Variants in WSCD1 observed in about 807,000 individuals in gnomAD.
WSCD1 encodes the protein sialate:O-sulfotransferase 1.
Under a neutral mutation model 60.4 loss-of-function variants are expected in WSCD1, and 41 were observed. The observed-to-expected ratio is 0.68, with a 90% CI of 0.53 to 0.88. The LOEUF (loss-of-function observed/expected upper bound fraction) is 0.88, where lower values mean the gene tolerates loss of function less well. Among genes scored for constraint, WSCD1 ranks in the 40% least tolerant of loss-of-function variants. WSCD1 has a pLI of 0.00. For missense variants in WSCD1, 784 were observed against 796.2 expected, an observed-to-expected ratio of 0.98 and a Z score of 0.18; for synonymous variants, 361 against 332.5, an observed-to-expected ratio of 1.09 and a Z score of -0.93.
rs1345423582 is a variant in WSCD1, at chr17:6,123,483, A to G, written c.*2822A>G. On this transcript the variant is annotated 3_prime_UTR_variant, in exon 9 of 9. Coordinates refer to ENST00000317744, the MANE Select transcript of WSCD1 (RefSeq NM_015253.2). Reference sequence around the variant, plus strand: ...AACATCTTATAATGAAGTCTCTTGCAGCTAAAATTAGATTTTGAGTGCATG... The same window carrying G: ...AACATCTTATAATGAAGTCTCTTGCGGCTAAAATTAGATTTTGAGTGCATG... 1 of 152,234 alleles carries G rather than the reference A, an allele frequency of 6.6e-6. No individual in the cohort carries two copies. Among genetic ancestry groups the G allele is most frequent in the East Asian group, 1.9e-4 (1 of 5,194 alleles). The allele number at this position is 152,234 out of a possible 1,614,324, so 9.4% of individuals were successfully genotyped here.
chr17:6,119,960 T>C (rs1904555967), intron 8 of WSCD1, among the ~76,000 whole-genome samples: 4 of 152,258 alleles, frequency 2.6e-5, no homozygotes, highest in Admixed American at 2.6e-4. Context: ...GGCTTCACTG[T>C]ATGTCCTACT....
At chr17:6,104,992 G>A (rs1281674598) in intron 5 of WSCD1, among the ~76,000 whole-genome samples, 1 of 152,220 alleles carries the variant, frequency 6.6e-6, no homozygotes, top group Non-Finnish European at 1.5e-5. Flanking sequence ...TGAAGATGGA[G>A]GAGATGATGC....
At chr17:6,092,201 A>C (rs2150547199) in intron 4 of WSCD1, among the ~76,000 whole-genome samples, 1 of 150,416 alleles carries the variant, frequency 6.6e-6, no homozygotes, top group African/African-American at 2.4e-5. Flanking sequence ...CTAAGGCTTC[A>C]CAGGGGTTCT....
intron 2 of WSCD1, among the ~76,000 whole-genome samples, chr17:6,083,423 G>C (rs1014657768): frequency 3.3e-5 from 5 of 152,192 alleles, no homozygotes; most frequent in African/African-American, 1.2e-4. Context: ...TACAAAGCAC[G>C]ACCGAGGTCT....
In WSCD1 at chr17:6,108,988, G is replaced by T. The variant is rs535389476; in HGVS notation, c.850-619G>T. Reference sequence around the variant, plus strand: ...CATCTTTGGAAAGATGACTGTATGAGAATCTCTGCACCCTGCAGTGGGACA... The same window carrying T: ...CATCTTTGGAAAGATGACTGTATGATAATCTCTGCACCCTGCAGTGGGACA... On this transcript the variant is annotated intron_variant, in intron 5 of 8. Transcript: ENST00000317744. Among the ~76,000 whole-genome samples the T allele has an allele frequency of 1.8e-3, 274 of 152,334 alleles. 1 individual carries two copies. Among genetic ancestry groups the T allele is most frequent in the African/African-American group, 6.3e-3 (262 of 41,582 alleles).
intron 2 of WSCD1, 78 bp from the exon 3 acceptor site, chr17:6,087,912 G>C: frequency 8.2e-7 from 1 of 1,220,230 alleles, no homozygotes; most frequent in Non-Finnish European, 1.2e-6. Flanking sequence ...CAGGAAGGCA[G>C]AGGTTCCCCT....
chr17:6,091,893 A>C (rs561937701), intron 4 of WSCD1, among the ~76,000 whole-genome samples: 62 of 152,334 alleles, frequency 4.1e-4, no homozygotes, highest in African/African-American at 1.4e-3. Context: ...GCGGTGGCTC[A>C]CGCCTGTAAT....
At chr17:6,113,898 TA>T (rs1314535089) in intron 7 of WSCD1, among the ~76,000 whole-genome samples, 2 of 152,104 alleles carry the variant, frequency 1.3e-5, no homozygotes, top group African/African-American at 4.8e-5. Flanking sequence ...GGTGGGAATG[TA>T]AACTAGTACA....
intron 3 of WSCD1, among the ~76,000 whole-genome samples, chr17:6,089,081 C>T (rs1200435311): frequency 6.6e-6 from 1 of 152,206 alleles, no homozygotes; most frequent in Non-Finnish European, 1.5e-5. Context: ...CACACCCGGC[C>T]TCACCTTTGT....
rs1272713125 is a variant in WSCD1 at position 6,086,509 on chromosome 17, G to T, written c.428-1481G>T. 4.6e-5 allele frequency among the ~76,000 whole-genome samples: 7 copies of T among 151,406 alleles called. No homozygotes were observed. The East Asian group carries it at 1.4e-3, about 29-fold the overall frequency. On this transcript the variant is annotated intron_variant, in intron 2 of 8. Coordinates refer to ENST00000317744, the MANE Select transcript of WSCD1 (RefSeq NM_015253.2). ...TGCTACCACATCCAGCTAATTTTTG[G>T]TATGTATATATTTTTTGTATTTTTA...
chr17:6,076,122 T>C (rs1205181069), intron 1 of WSCD1, among the ~76,000 whole-genome samples: 4 of 152,114 alleles, frequency 2.6e-5, no homozygotes, highest in African/African-American at 9.7e-5. Context: ...GTGGGCATAA[T>C]GTAGGCCCTG....
At chr17:6,074,389 G>A (rs541548581) in intron 1 of WSCD1, among the ~76,000 whole-genome samples, 31 of 152,338 alleles carry the variant, frequency 2.0e-4, no homozygotes, top group African/African-American at 7.0e-4. Flanking sequence ...TGGCAGCATG[G>A]CCCTGAGCAT....
chr17:6,071,332 G>C lies in WSCD1; in HGVS notation c.-289+680G>C, dbSNP rs1359020346. 2.0e-5 allele frequency among the ~76,000 whole-genome samples: 3 copies of C among 152,176 alleles called. No individual in the cohort carries two copies. In the East Asian group the frequency reaches 5.8e-4, roughly 29 times the overall value. ...CTGCCTCCGGGTAACCTCGCTGGTG[G>C]TTTTCCTGAGCATTTGTGCGCCTGG... On this transcript the variant is annotated intron_variant, in intron 1 of 8. Coordinates refer to ENST00000317744, the MANE Select transcript of WSCD1 (RefSeq NM_015253.2).
intron 4 of WSCD1, among the ~76,000 whole-genome samples, chr17:6,091,597 TA>T (rs1290588609): frequency 6.6e-6 from 1 of 152,200 alleles, no homozygotes; most frequent in Non-Finnish European, 1.5e-5. Context: ...CCGCTTCCTC[TA>T]ATCACAGAAG....
At position 6,110,922 on chromosome 17, in the gene WSCD1, C is replaced by A; in HGVS notation, c.1161C>A (p.Thr387=). ...CAGGGAGCTACTACTTTGATGGAAC[C>A]CTCTACAACAAAGGTAAGTCAAAGC... ...FYTGSYYFDG[T]LYNKGFKGEK... Residue 387 remains threonine, a synonymous_variant, in exon 7 of 9, where the codon ACC becomes ACA. Transcript: ENST00000317744. The surrounding 1 kb of genome is among the most constrained non-coding windows in gnomAD (Gnocchi z 4.8). 6.3e-7 allele frequency: 1 copy of A among 1,599,314 alleles called. No homozygotes were observed. Among genetic ancestry groups the A allele is most frequent in the Non-Finnish European group, 8.6e-7 (1 of 1,168,638 alleles).
chr17:6,095,486 C>T (rs375898614), intron 5 of WSCD1, among the ~76,000 whole-genome samples: 10 of 152,324 alleles, frequency 6.6e-5, no homozygotes, highest in South Asian at 4.1e-4. Context: ...TTTCTGGATG[C>T]GAACTCTTGC....
At chr17:6,104,892 C>T (rs1186921806) in intron 5 of WSCD1, among the ~76,000 whole-genome samples, 1 of 152,212 alleles carries the variant, frequency 6.6e-6, no homozygotes, top group East Asian at 1.9e-4. Context: ...CACTGCCTAC[C>T]TCCGAGCCTC....
At chr17:6,072,654 G>A (rs536635842) in intron 1 of WSCD1, among the ~76,000 whole-genome samples, 35 of 152,336 alleles carry the variant, frequency 2.3e-4, no homozygotes, top group Non-Finnish European at 7.3e-5. Context: ...CACTAGCAGG[G>A]CCAGAGCTGG....
In WSCD1 at chr17:6,123,725, A is replaced by G. The variant is rs1331581349; in HGVS notation, c.*3064A>G. ...TGACTCCAAAGGGGTTCATTTCACT[A>G]TAGGGAGAAATTGATTCGTCTGACT... On this transcript the variant is annotated 3_prime_UTR_variant, in exon 9 of 9. Transcript: ENST00000317744. 6.6e-6 allele frequency: 1 copy of G among 152,266 alleles called. No homozygotes were observed. The highest frequency in any genetic ancestry group is 3.4e-3 in the Middle Eastern group (1 of 294). 9.4% of individuals were successfully genotyped at this position (152,266 alleles called of 1,614,324 possible).
Sources: allele counts gnomAD v4.1 joint callset (sites outside exome capture counted in the v4.1 genomes callset), GRCh38; gene constraint gnomAD v4.1.1; non-coding constraint Gnocchi (gnomAD v3.1); transcripts MANE v1.5; gene names NCBI Gene and HGNC (gene_info 2026-07-23, HGNC 2026-07-21).